The following CLSTN2 variants were observed in gnomAD, a reference collection of about 807,000 sequenced individuals.
CLSTN2 encodes the protein calsyntenin 2.
A neutral mutation model predicts 101.2 loss-of-function variants in CLSTN2; 48 were observed. That is an observed-to-expected ratio of 0.47 (90% confidence interval 0.38 to 0.60). The LOEUF is 0.60. Among genes scored for constraint, CLSTN2 ranks in the 20% least tolerant of loss-of-function variants. The pLI is 0.00. For missense variants in CLSTN2, 1,160 were observed against 1,238.2 expected, an observed-to-expected ratio of 0.94 and a Z score of 0.95; for synonymous variants, 481 against 463.6, an observed-to-expected ratio of 1.04 and a Z score of -0.48.
At chr3:140,055,968 A>G (rs1179067809) in intron 1 of CLSTN2, among the ~76,000 whole-genome samples, 1 of 152,230 alleles carries the variant, frequency 6.6e-6, no homozygotes, top group Non-Finnish European at 1.5e-5. Flanking sequence ...CTCATCATTG[A>G]TATAAAGAGA....
At chr3:139,992,802 G>C (rs978203157) in intron 1 of CLSTN2, among the ~76,000 whole-genome samples, 1 of 152,120 alleles carries the variant, frequency 6.6e-6, no homozygotes, top group Non-Finnish European at 1.5e-5. Flanking sequence ...GAAAATTGAG[G>C]AGTAGAAGGG....
chr3:140,244,501 G>A (rs745500371), intron 2 of CLSTN2, among the ~76,000 whole-genome samples: 2 of 152,136 alleles, frequency 1.3e-5, no homozygotes, highest in African/African-American at 2.4e-5. Context: ...CACACACCAC[G>A]CTCATGCACT....
At chr3:140,518,972 T>C (rs1475224175) in intron 8 of CLSTN2, among the ~76,000 whole-genome samples, 1 of 151,228 alleles carries the variant, frequency 6.6e-6, no homozygotes, top group South Asian at 2.1e-4. Context: ...TTTAGTGCTA[T>C]AAATTTCACT....
chr3:140,045,151 G>A (rs138087905), intron 1 of CLSTN2, among the ~76,000 whole-genome samples: 2,010 of 152,188 alleles, frequency 0.013, 48 homozygotes, highest in African/African-American at 0.042. Context: ...CTGTGAATCC[G>A]TCTGGTCCTG....
At chr3:140,343,733 C>T (rs1312750336) in intron 2 of CLSTN2, among the ~76,000 whole-genome samples, 1 of 152,200 alleles carries the variant, frequency 6.6e-6, no homozygotes, top group Admixed American at 6.5e-5. Flanking sequence ...TCTAGTTACA[C>T]TGAGTAAGTT....
chr3:139,982,910 T>C (rs1341376612), intron 1 of CLSTN2, among the ~76,000 whole-genome samples: 1 of 151,446 alleles, frequency 6.6e-6, no homozygotes, highest in East Asian at 1.9e-4. Context: ...TTACAAAGGG[T>C]ATTACATAGA....
intron 8 of CLSTN2, among the ~76,000 whole-genome samples, chr3:140,524,514 GAC>G (rs1289511469): frequency 6.6e-6 from 1 of 152,182 alleles, no homozygotes; most frequent in Non-Finnish European, 1.5e-5. Flanking sequence ...ACAGCCCACT[GAC>G]AGTGTTAGTC....
At chr3:140,431,037 A>G (rs1576563768) in intron 5 of CLSTN2, among the ~76,000 whole-genome samples, 1 of 152,340 alleles carries the variant, frequency 6.6e-6, no homozygotes, top group African/African-American at 2.4e-5. Context: ...AGAGAGACAT[A>G]GCCTGCATGT....
intron 1 of CLSTN2, among the ~76,000 whole-genome samples, chr3:139,951,169 G>A (rs1353269418): frequency 6.6e-6 from 1 of 152,138 alleles, no homozygotes; most frequent in African/African-American, 2.4e-5. Flanking sequence ...TTCAAGCAGA[G>A]TGGTGCCTGG....
At chr3:140,217,258 T>TTG (rs5852972) in intron 2 of CLSTN2, among the ~76,000 whole-genome samples, 1 of 152,032 alleles carries the variant, frequency 6.6e-6, no homozygotes, top group African/African-American at 2.4e-5. Flanking sequence ...AAAGCACAGG[T>TTG]TTATTTCACT....
intron 1 of CLSTN2, among the ~76,000 whole-genome samples, chr3:140,135,109 CACACACACAT>C (rs2009590853): frequency 1.9e-5 from 1 of 52,508 alleles, no homozygotes; most frequent in African/African-American, 1.2e-4. Context: ...CACACACACA[CACACACACAT>C]ATATATATAT....
At chr3:140,022,298 A>G (rs570531895) in intron 1 of CLSTN2, among the ~76,000 whole-genome samples, 2 of 152,318 alleles carry the variant, frequency 1.3e-5, no homozygotes, top group South Asian at 4.1e-4. Flanking sequence ...GGCCTGAGCC[A>G]TCCCTGCGTA....
chr3:140,033,201 C>T (rs575044454), intron 1 of CLSTN2, among the ~76,000 whole-genome samples: 7 of 152,316 alleles, frequency 4.6e-5, no homozygotes, highest in African/African-American at 1.7e-4. Context: ...AACAGTAATA[C>T]TGCACAGACC....
At chr3:140,545,060 A>G (rs763888563) in intron 9 of CLSTN2, among the ~76,000 whole-genome samples, 1 of 152,192 alleles carries the variant, frequency 6.6e-6, no homozygotes, top group Non-Finnish European at 1.5e-5. Context: ...ATTAGTGGGT[A>G]AGAACTCTAA....
intron 2 of CLSTN2, among the ~76,000 whole-genome samples, chr3:140,245,493 CA>C: frequency 6.6e-6 from 1 of 152,048 alleles, no homozygotes; most frequent in Non-Finnish European, 1.5e-5. Flanking sequence ...TTGGAAGGTG[CA>C]AAGAAAAAGG....
At chr3:140,296,400 A>G (rs2087003638) in intron 2 of CLSTN2, among the ~76,000 whole-genome samples, 1 of 152,238 alleles carries the variant, frequency 6.6e-6, no homozygotes, top group Non-Finnish European at 1.5e-5. Flanking sequence ...TTCTGCTCAC[A>G]TCAGACATCA....
intron 10 of CLSTN2, among the ~76,000 whole-genome samples, chr3:140,548,414 G>T (rs1028006937): frequency 2.6e-5 from 4 of 152,188 alleles, no homozygotes; most frequent in African/African-American, 9.7e-5. Flanking sequence ...AAGGAGATGG[G>T]AACTTGCGTA....
At chr3:140,168,804 A>G (rs2010171195) in intron 1 of CLSTN2, among the ~76,000 whole-genome samples, 1 of 152,104 alleles carries the variant, frequency 6.6e-6, no homozygotes, top group Admixed American at 6.6e-5. Flanking sequence ...TGAACTGACC[A>G]TATGTATGTG....
intron 1 of CLSTN2, among the ~76,000 whole-genome samples, chr3:140,045,707 G>T (rs2007863822): frequency 6.6e-6 from 1 of 152,108 alleles, no homozygotes; most frequent in Admixed American, 6.5e-5. Flanking sequence ...CAGAGATTCT[G>T]GTATGTTGTG....
Sources: gnomAD v4.1 joint callset for allele counts (sites outside exome capture counted in the v4.1 genomes callset) on GRCh38, gnomAD v4.1.1 for gene constraint, MANE v1.5 for transcripts, NCBI Gene and HGNC (gene_info 2026-07-23, HGNC 2026-07-21) for gene names.